CHD1L: variants seen among roughly 807,000 people sequenced by gnomAD.
CHD1L encodes the protein chromodomain helicase DNA binding protein 1 like, also known as ATP-dependent chromatin remodeler CHD1L.
In CHD1L, 118 loss-of-function variants were observed where a neutral mutation model predicts 115.9. That is an observed-to-expected ratio of 1.02 (90% CI 0.88 to 1.19). The LOEUF (loss-of-function observed/expected upper bound fraction) is 1.19. Ranked by LOEUF, CHD1L falls within the 50% of genes most tolerant of loss-of-function variation. CHD1L has a pLI of 0.00. For missense variants in CHD1L, 1,179 were observed against 1,065.3 expected (o/e 1.11, Z -1.49); for synonymous variants, 411 against 387.1 (o/e 1.06, Z -0.72).
chr1:147,260,656 C>CT (rs1187067376), intron 6 of CHD1L: 2 of 152,154 alleles, frequency 1.3e-5, no homozygotes, highest in African/African-American at 2.4e-5. Flanking sequence ...ACCCTTCCCC[C>CT]CAATTTACCT....
chr1:147,187,659 G>C, the CHD1L span, among the ~76,000 whole-genome samples: 1 of 152,160 alleles, frequency 6.6e-6, no homozygotes, highest in Non-Finnish European at 1.5e-5. Context: ...TATTTGATGA[G>C]GGCAGTGGTG....
At chr1:147,241,672 A>T (rs1664904095), upstream of CHD1L, among the ~76,000 whole-genome samples, 1 of 152,206 alleles carries the variant, frequency 6.6e-6, no homozygotes, top group Admixed American at 6.5e-5. Flanking sequence ...TTTTATGAAT[A>T]AACCAATCTG....
At chr1:147,204,334 T>G in the CHD1L span, 1 of 975,436 alleles carries the variant, frequency 1.0e-6, no homozygotes, top group Non-Finnish European at 1.7e-6. Flanking sequence ...TCTGATGTTA[T>G]CAACTTTGAA....
At chr1:147,274,023 T>C (rs1553955517) in intron 12 of CHD1L, among the ~76,000 whole-genome samples, 1 of 152,196 alleles carries the variant, frequency 6.6e-6, no homozygotes, top group Non-Finnish European at 1.5e-5. Context: ...TTCAAGAAGA[T>C]AATTTTATGG....
chr1:147,213,828 CCCCTATATGTCCTGAGA>C, the CHD1L span, among the ~76,000 whole-genome samples: 2 of 152,106 alleles, frequency 1.3e-5, no homozygotes. Flanking sequence ...CTTCTCCTGA[CCCCTATATGTCCTGAGA>C]CCTTCTGATG....
chr1:147,288,771 G>A (rs185823183), intron 19 of CHD1L, among the ~76,000 whole-genome samples: 164 of 152,294 alleles, frequency 1.1e-3, no homozygotes, highest in Non-Finnish European at 9.7e-4. Context: ...GATGTGTTAA[G>A]AGGTCAGCAC....
At chr1:147,288,322 C>CATTAAAA (rs1452486110) in intron 19 of CHD1L, among the ~76,000 whole-genome samples, 6,852 of 87,116 alleles carry the variant, frequency 0.079, 672 homozygotes, top group Non-Finnish European at 0.099. Context: ...GACCCTGTTT[C>CATTAAAA]AATAAAAAAA....
rs1357898279 is a variant in CHD1L at position 147,295,600 on chromosome 1, T to G, written c.*91T>G. 11 of 917,874 alleles carry G rather than the reference T, an allele frequency of 1.2e-5. No individual in the cohort carries two copies. The highest frequency in any genetic ancestry group is 1.7e-5 in the African/African-American group (1 of 59,100). The allele number at this position is 917,874 out of a possible 1,614,324, so 56.9% of individuals were successfully genotyped here. On this transcript the variant is annotated 3_prime_UTR_variant, in exon 23 of 23. Transcript: ENST00000369258. ...AGAGTATTTCAAAATGGAATCAGGA[T>G]CTGGTGGGCCTCAGAAATTGTCTCT...
chr1:147,272,445 A>C (rs1559817975), intron 12 of CHD1L, 164 bp downstream of exon 12: 5 of 535,822 alleles, frequency 9.3e-6, no homozygotes, highest in Non-Finnish European at 1.3e-5. Context: ...TTTTCTATCC[A>C]GCCTGTCCAA....
chr1:147,267,655 A>G, intron 9 of CHD1L, 137 bp downstream of exon 9: 1 of 638,304 alleles, frequency 1.6e-6, no homozygotes, highest in South Asian at 2.1e-5. Flanking sequence ...TATTGGTATT[A>G]ACTCATATAT....
At chr1:147,217,920 C>T in the CHD1L span, among the ~76,000 whole-genome samples, 22 of 152,292 alleles carry the variant, frequency 1.4e-4, no homozygotes, top group African/African-American at 5.3e-4. Flanking sequence ...TTCCCCACAG[C>T]ATCCACAATG....
At chr1:147,207,698 A>G in the CHD1L span, among the ~76,000 whole-genome samples, 9 of 152,350 alleles carry the variant, frequency 5.9e-5, no homozygotes, top group African/African-American at 1.2e-4. Flanking sequence ...TTAATCTACC[A>G]TATTGACTTC....
chr1:147,284,357 A>T lies in CHD1L; in HGVS notation c.1712A>T (p.His571Leu), dbSNP rs782078021. The stretch of plus-strand genomic sequence containing the variant: ...TTGTGTTTTATGTTGTTAGAAAATC[A>T]TATGTACTTATTTGAAGGTAAAGAT... ...GSRDQEEGKN[H>L]MYLFEGKDYS... Residue 571 changes from histidine (H) to leucine (L), a missense_variant, in exon 16 of 23, where the codon CAT becomes CTT. Physicochemically the swap from His to Leu is moderately conservative, Grantham distance 99. Transcript: ENST00000369258. 6.4e-7 allele frequency: 1 copy of T among 1,568,630 alleles called. No homozygotes were observed. The highest frequency in any genetic ancestry group is 8.6e-7 in the Non-Finnish European group (1 of 1,156,358).
At chr1:147,194,216 G>T in the CHD1L span, among the ~76,000 whole-genome samples, 2 of 152,156 alleles carry the variant, frequency 1.3e-5, no homozygotes, top group African/African-American at 4.8e-5. Flanking sequence ...ATATATTTAG[G>T]ATAGTTAGGT....
chr1:147,259,846 GA>G lies in CHD1L; in HGVS notation c.505del (p.Ser169ValfsTer11). 6.2e-7 allele frequency: 1 copy of G among 1,613,658 alleles called. No homozygotes were observed. Among genetic ancestry groups the G allele is most frequent in the Non-Finnish European group, 8.5e-7 (1 of 1,179,672 alleles). On this transcript the variant is annotated frameshift_variant, in exon 6 of 23. Coordinates refer to ENST00000369258, the MANE Select transcript of CHD1L (RefSeq NM_004284.6). LOFTEE classifies it high-confidence loss of function. ...DASFLKSFPWSVLVVDEAHRL... is the reference protein window; with the variant it reads ...DASFLKSFPWXVLVVDEAHRL... ...GGGTTTTCTCTCACAGATTCCCTTG[GA>G]GTGTTCTTGTTGTGGATGAAGCTCA...
rs1553967063 is a variant in CHD1L, at chr1:147,287,649, TG to T, written c.2240del (p.Gly747AlafsTer26). On this transcript the variant is annotated frameshift_variant, in exon 19 of 23. Coordinates refer to ENST00000369258, the MANE Select transcript of CHD1L (RefSeq NM_004284.6). LOFTEE classifies it high-confidence loss of function. ...TCTTCAAACAGATGACTCTGGCCACTGGGGCAGAGGTGGTTTATTTACAGCT... is the reference window on the plus strand; with the variant it reads ...TCTTCAAACAGATGACTCTGGCCACTGGGCAGAGGTGGTTTATTTACAGCT... ...IVHCVDDSGHWGRGGLFTALE... is the reference protein window; with the variant it reads ...IVHCVDDSGHXGRGGLFTALE... The T allele has an allele frequency of 6.2e-7, 1 of 1,613,642 alleles. No individual in the cohort carries two copies. The highest frequency in any genetic ancestry group is 1.7e-5 in the Admixed American group (1 of 59,976).
At chr1:147,190,153 T>C in the CHD1L span, 2 of 1,482,138 alleles carry the variant, frequency 1.3e-6, no homozygotes, top group Non-Finnish European at 9.4e-7. Context: ...TGTAACCATA[T>C]ATCTTCCTGG....
chr1:147,270,793 G>A lies in CHD1L; in HGVS notation c.1086-139G>A, dbSNP rs924275104. 4 of 673,252 alleles carry A rather than the reference G, an allele frequency of 5.9e-6. No homozygotes were observed. The African/African-American group carries it at 7.2e-5, about 12-fold the overall frequency. The allele number at this position is 673,252 out of a possible 1,614,324, so 41.7% of individuals were successfully genotyped here. On this transcript the variant is annotated intron_variant, in intron 10 of 22. Transcript: ENST00000369258. ...GAAAGCATTTGGAGGTTCTGAGGCA[G>A]TCTATAAATCATACGACACTTATAT...
chr1:147,291,381 T>A, intron 19 of CHD1L, 101 bp from the exon 20 acceptor site: 1 of 967,342 alleles, frequency 1.0e-6, no homozygotes, highest in Non-Finnish European at 1.7e-6. Context: ...GGAAGGTGGG[T>A]CCTGAAACCC....
Sources: gnomAD v4.1 joint callset for allele counts (sites outside exome capture counted in the v4.1 genomes callset) on GRCh38, gnomAD v4.1.1 for gene constraint, MANE v1.5 for transcripts, NCBI Gene and HGNC (gene_info 2026-07-23, HGNC 2026-07-21) for gene names.